NELL2: variants seen among roughly 807,000 people sequenced by gnomAD.
NELL2 encodes neural EGFL like 2, also known as protein kinase C-binding protein NELL2.
Under a neutral mutation model 109.6 loss-of-function variants are expected in NELL2, and 41 were observed. The ratio of observed to expected loss-of-function variants is 0.37; its 90% CI spans 0.29 to 0.49. NELL2 has a LOEUF of 0.49. NELL2 is among the 20% of genes least tolerant of loss of function. NELL2 has a pLI of 0.98. For synonymous variants in NELL2, 355 were observed against 344.7 expected (o/e 1.03, Z -0.33); for missense variants, 900 against 1,008.3 (o/e 0.89, Z 1.45).
chr12:44,878,755 G>A (rs926125129), upstream of NELL2, among the ~76,000 whole-genome samples: 4 of 151,988 alleles, frequency 2.6e-5, no homozygotes, highest in Non-Finnish European at 4.4e-5. Flanking sequence ...AACTCTTTAG[G>A]TTGTAGTTGT....
intron 1 of NELL2, among the ~76,000 whole-genome samples, chr12:44,891,409 T>C (rs1005132555): frequency 6.6e-6 from 1 of 152,204 alleles, no homozygotes; most frequent in African/African-American, 2.4e-5. Context: ...GTTCTTGTAG[T>C]TCTTCTGCAG....
At chr12:44,580,515 G>A (rs961482959) in intron 15 of NELL2, among the ~76,000 whole-genome samples, 2 of 152,162 alleles carry the variant, frequency 1.3e-5, no homozygotes, top group Admixed American at 6.5e-5. Context: ...TCGGGAGTTC[G>A]AAACCAGCCT....
intron 3 of NELL2, among the ~76,000 whole-genome samples, chr12:44,782,656 C>T (rs1942008905): frequency 6.6e-6 from 1 of 151,416 alleles, no homozygotes; most frequent in African/African-American, 2.4e-5. Flanking sequence ...AACAGAAATG[C>T]TATAAAAATG....
intron 13 of NELL2, 76 bp from the exon 14 acceptor site, chr12:44,611,046 G>C (rs61323848): frequency 4.2e-6 from 6 of 1,428,604 alleles, no homozygotes; most frequent in Non-Finnish European, 5.8e-6. Context: ...CTTCAGTCTT[G>C]GTTATTGCAT....
At chr12:44,540,817 G>T (rs1942526679) in intron 15 of NELL2, among the ~76,000 whole-genome samples, 1 of 93,650 alleles carries the variant, frequency 1.1e-5, no homozygotes, top group Non-Finnish European at 2.0e-5. Context: ...TCATATCAAA[G>T]CTCAAAATCA....
intron 3 of NELL2, among the ~76,000 whole-genome samples, chr12:44,801,651 T>G (rs1268471677): frequency 6.6e-6 from 1 of 152,106 alleles, no homozygotes; most frequent in African/African-American, 2.4e-5. Flanking sequence ...GGTACCTACC[T>G]CCAAGATTGC....
chr12:44,578,336 C>A (rs1273747856), intron 15 of NELL2, among the ~76,000 whole-genome samples: 1 of 151,696 alleles, frequency 6.6e-6, no homozygotes, highest in African/African-American at 2.4e-5. Context: ...AAACAAAAAA[C>A]CCCTCATCCT....
At chr12:44,518,401 T>A (rs1404931532) in intron 19 of NELL2, among the ~76,000 whole-genome samples, 1 of 152,048 alleles carries the variant, frequency 6.6e-6, no homozygotes, top group Non-Finnish European at 1.5e-5. Flanking sequence ...CCCACCACCA[T>A]GCCTGGCTAA....
intron 8 of NELL2, among the ~76,000 whole-genome samples, chr12:44,775,214 A>AACATGCACGCACGCACACAC (rs1941704937): frequency 6.8e-6 from 1 of 146,298 alleles, no homozygotes; most frequent in African/African-American, 2.8e-5. Context: ...CATGCACACG[A>AACATGCACGCACGCACACAC]ACATGCACGC....
intron 19 of NELL2, among the ~76,000 whole-genome samples, chr12:44,510,587 T>C (rs1379508642): frequency 6.6e-6 from 1 of 152,276 alleles, no homozygotes; most frequent in Non-Finnish European, 1.5e-5. Context: ...AAAGCCAGTA[T>C]ATATCCAAGA....
At chr12:44,757,199 C>A (rs1213097489) in intron 9 of NELL2, among the ~76,000 whole-genome samples, 1 of 152,148 alleles carries the variant, frequency 6.6e-6, no homozygotes, top group East Asian at 1.9e-4. Context: ...ATATACGAAT[C>A]CATTTGCTTC....
chr12:44,667,238 CA>C (rs924086532), intron 12 of NELL2, among the ~76,000 whole-genome samples: 12 of 151,942 alleles, frequency 7.9e-5, no homozygotes, highest in African/African-American at 2.7e-4. Context: ...AAAACAAAAA[CA>C]AAAAAACACT....
intron 2 of NELL2, among the ~76,000 whole-genome samples, chr12:44,860,517 T>C (rs1724841286): frequency 6.6e-6 from 1 of 152,132 alleles, no homozygotes; most frequent in African/African-American, 2.4e-5. Flanking sequence ...AAACTTGTTT[T>C]CTTGCTTTTT....
At chr12:44,516,938 A>C (rs917707971) in intron 19 of NELL2, among the ~76,000 whole-genome samples, 19 of 150,024 alleles carry the variant, frequency 1.3e-4, no homozygotes. Context: ...GTATCTATAG[A>C]AGCACTAATC....
intron 9 of NELL2, among the ~76,000 whole-genome samples, chr12:44,730,971 A>C (rs573165488): frequency 1.3e-5 from 2 of 152,106 alleles, no homozygotes; most frequent in Admixed American, 6.6e-5. Context: ...TAAAAAGATC[A>C]TAAGAGACTA....
chr12:44,723,832 T>C (rs1219850498), intron 9 of NELL2, among the ~76,000 whole-genome samples: 1 of 152,110 alleles, frequency 6.6e-6, no homozygotes, highest in Admixed American at 6.5e-5. Flanking sequence ...AAGCCGTTTG[T>C]AGAGTTTTCA....
chr12:44,811,656 C>T (rs1427174109), intron 3 of NELL2, among the ~76,000 whole-genome samples: 1 of 152,054 alleles, frequency 6.6e-6, no homozygotes, highest in African/African-American at 2.4e-5. Flanking sequence ...TCAGTTCCTA[C>T]CTTCTCCCTC....
chr12:44,893,115 C>T (rs1194754885), intron 1 of NELL2, among the ~76,000 whole-genome samples: 1 of 152,130 alleles, frequency 6.6e-6, no homozygotes. Flanking sequence ...GGTTAGAAGT[C>T]TGAAATCAGG....
At chr12:44,726,801 A>G (rs1939105137) in intron 9 of NELL2, among the ~76,000 whole-genome samples, 1 of 152,128 alleles carries the variant, frequency 6.6e-6, no homozygotes, top group African/African-American at 2.4e-5. Context: ...AACAAATTTT[A>G]TTTCATTTCA....
Sources: allele counts gnomAD v4.1 joint callset (sites outside exome capture counted in the v4.1 genomes callset), GRCh38; gene constraint gnomAD v4.1.1; transcripts MANE v1.5; gene names NCBI Gene and HGNC (gene_info 2026-07-23, HGNC 2026-07-21).